The following SLIT3 variants were observed in gnomAD, a reference collection of about 807,000 sequenced individuals.
SLIT3 encodes slit homolog 3 protein.
In SLIT3, 68 loss-of-function variants were observed where a neutral mutation model predicts 184.0. The ratio of observed to expected loss-of-function variants is 0.37; its 90% confidence interval spans 0.30 to 0.45. SLIT3 has a LOEUF of 0.45. Among genes scored for constraint, SLIT3 ranks in the 20% least tolerant of loss-of-function variants. The probability of loss-of-function intolerance (pLI) is 1.00; values close to 1 mark genes in which losing one functional copy is unlikely to be tolerated. For missense variants in SLIT3, 1,707 were observed against 2,026.0 expected (o/e 0.84, Z 3.02); for synonymous variants, 831 against 828.6 (o/e 1.00, Z -0.05).
At chr5:169,101,558 C>A (rs1191926829) in intron 4 of SLIT3, among the ~76,000 whole-genome samples, 1 of 152,230 alleles carries the variant, frequency 6.6e-6, no homozygotes, top group Admixed American at 6.5e-5. Flanking sequence ...TCCTTGCCTA[C>A]ACCTTGCCTC....
At chr5:168,779,924 GC>G (rs1755906436) in intron 12 of SLIT3, among the ~76,000 whole-genome samples, 1 of 152,214 alleles carries the variant, frequency 6.6e-6, no homozygotes, top group African/African-American at 2.4e-5. Flanking sequence ...CTTTTGAAAA[GC>G]CCCATGGGGA....
chr5:169,265,394 A>AG (rs1766359051), intron 1 of SLIT3, among the ~76,000 whole-genome samples: 1 of 152,226 alleles, frequency 6.6e-6, no homozygotes, highest in East Asian at 1.9e-4. Context: ...AATGGATTTT[A>AG]GTGGCCATCA....
intron 8 of SLIT3, among the ~76,000 whole-genome samples, chr5:168,812,238 C>T (rs571509819): frequency 1.3e-5 from 2 of 152,038 alleles, no homozygotes; most frequent in African/African-American, 4.8e-5. Context: ...GAGACTGATC[C>T]GCATGTATGA....
At chr5:168,843,663 A>T (rs781367221) in intron 6 of SLIT3, among the ~76,000 whole-genome samples, 28 of 152,190 alleles carry the variant, frequency 1.8e-4, no homozygotes, top group Non-Finnish European at 4.0e-4. Flanking sequence ...ACTCAACCAC[A>T]CGTCTCCTGA....
intron 3 of SLIT3, among the ~76,000 whole-genome samples, chr5:169,217,850 C>T (rs1764497229): frequency 6.6e-6 from 1 of 152,194 alleles, no homozygotes; most frequent in South Asian, 2.1e-4. Context: ...GACAATATTC[C>T]TCACTGGCTG....
chr5:169,071,082 A>G (rs1758529246), intron 4 of SLIT3, among the ~76,000 whole-genome samples: 1 of 152,174 alleles, frequency 6.6e-6, no homozygotes, highest in Non-Finnish European at 1.5e-5. Flanking sequence ...ATGTAAGAGA[A>G]CTTACTTCAC....
At chr5:168,953,340 A>G (rs1292277541) in intron 4 of SLIT3, among the ~76,000 whole-genome samples, 4 of 152,182 alleles carry the variant, frequency 2.6e-5, no homozygotes, top group Admixed American at 2.6e-4. Flanking sequence ...GTGAGGATTC[A>G]AAGAAATAGG....
chr5:168,963,714 T>C (rs1021169468), intron 4 of SLIT3, among the ~76,000 whole-genome samples: 1 of 152,232 alleles, frequency 6.6e-6, no homozygotes, highest in Admixed American at 6.5e-5. Context: ...TGATAGGCAG[T>C]TGCTGCGAGA....
At chr5:169,281,738 C>T (rs1007379571) in intron 1 of SLIT3, among the ~76,000 whole-genome samples, 1 of 152,204 alleles carries the variant, frequency 6.6e-6, no homozygotes, top group African/African-American at 2.4e-5. Context: ...ACCATCTCTG[C>T]TCCATGGACA....
chr5:168,932,767 G>A (rs1762033695), intron 4 of SLIT3, among the ~76,000 whole-genome samples: 1 of 152,204 alleles, frequency 6.6e-6, no homozygotes, highest in South Asian at 2.1e-4. Flanking sequence ...GGGCTTCTGT[G>A]AGAATTAAGC....
At chr5:168,818,087 TC>T (rs1044441922) in intron 7 of SLIT3, among the ~76,000 whole-genome samples, 1 of 152,066 alleles carries the variant, frequency 6.6e-6, no homozygotes, top group African/African-American at 2.4e-5. Context: ...CTTTCCACCC[TC>T]CCACTTAAAT....
intron 4 of SLIT3, among the ~76,000 whole-genome samples, chr5:169,088,666 G>T (rs941790811): frequency 7.2e-5 from 11 of 152,016 alleles, no homozygotes; most frequent in African/African-American, 2.7e-4. Context: ...GCTGCACCTG[G>T]CTGGGTATCC....
At chr5:168,762,442 C>T in intron 15 of SLIT3, 97 bp downstream of exon 15, 1 of 1,338,798 alleles carries the variant, frequency 7.5e-7, no homozygotes. Context: ...CATGACTGAG[C>T]CAGGAAGGGG....
chr5:168,765,275 A>G (rs542734516), intron 14 of SLIT3, among the ~76,000 whole-genome samples: 7 of 152,336 alleles, frequency 4.6e-5, no homozygotes, highest in Non-Finnish European at 7.4e-5. Flanking sequence ...TAGTTAGATT[A>G]TAACTGGTGG....
At chr5:169,077,902 C>T (rs1356137474) in intron 4 of SLIT3, among the ~76,000 whole-genome samples, 1 of 150,840 alleles carries the variant, frequency 6.6e-6, no homozygotes, top group Non-Finnish European at 1.5e-5. Flanking sequence ...AATAGCAACA[C>T]TTTTTAAGTT....
At chr5:168,921,988 T>A (rs1171512959) in intron 4 of SLIT3, among the ~76,000 whole-genome samples, 2 of 152,152 alleles carry the variant, frequency 1.3e-5, no homozygotes, top group African/African-American at 4.8e-5. Flanking sequence ...CTAAATGCAT[T>A]ATGGGAATTT....
chr5:169,165,606 G>A (rs764544171), intron 4 of SLIT3, among the ~76,000 whole-genome samples: 4 of 152,074 alleles, frequency 2.6e-5, no homozygotes, highest in African/African-American at 9.7e-5. Context: ...CCCCAAATAT[G>A]CATATGGCTC....
chr5:169,264,815 A>T (rs1219820451), intron 1 of SLIT3, among the ~76,000 whole-genome samples: 1 of 152,196 alleles, frequency 6.6e-6, no homozygotes. Context: ...AAGTTTAAAA[A>T]CATACACGCA....
chr5:168,796,303 C>T (rs1339347578), intron 9 of SLIT3, among the ~76,000 whole-genome samples: 2 of 152,222 alleles, frequency 1.3e-5, no homozygotes, highest in African/African-American at 4.8e-5. Flanking sequence ...GGGCCCAGAA[C>T]TTCCTTGGAA....
Sources: gnomAD v4.1 joint callset for allele counts (sites outside exome capture counted in the v4.1 genomes callset) on GRCh38, gnomAD v4.1.1 for gene constraint, MANE v1.5 for transcripts, NCBI Gene and HGNC (gene_info 2026-07-23, HGNC 2026-07-21) for gene names.